The following RYR1 variants were observed in gnomAD, a reference collection of about 807,000 sequenced individuals.
RYR1 encodes the protein central core disease of muscle.
Under a neutral mutation model 583.5 loss-of-function variants are expected in RYR1, and 342 were observed. The observed-to-expected ratio is 0.59, with a 90% CI of 0.54 to 0.64. RYR1 has a LOEUF of 0.64. Among genes scored for constraint, RYR1 ranks in the 30% least tolerant of loss-of-function variants. The pLI is 0.00. For missense variants in RYR1, 6,032 were observed against 6,917.2 expected, an observed-to-expected ratio of 0.87 and a Z score of 4.54; for synonymous variants, 2,791 against 2,822.5, an observed-to-expected ratio of 0.99 and a Z score of 0.35.
At position 38,440,771 on chromosome 19, in the gene RYR1, C is replaced by T. The variant is rs754645461; in HGVS notation, c.72C>T (p.Ser24=). ...ACGATGAGGTGGTCCTGCAGTGCAG[C>T]GCTACCGTGCTCAAGGAGCAGCTCA... The part of the protein sequence containing the change: ...RTDDEVVLQC[S]ATVLKEQLKL... Residue 24 remains serine (S), a synonymous_variant, in exon 2 of 106, where the codon AGC becomes AGT. Transcript: ENST00000359596. 20 of 1,608,364 alleles carry T rather than the reference C, an allele frequency of 1.2e-5. No individual in the cohort carries two copies. Among genetic ancestry groups the T allele is most frequent in the African/African-American group, 6.7e-5 (5 of 74,836 alleles).
chr19:38,460,237 G>A (rs995633220), intron 19 of RYR1, 138 bp from the exon 20 acceptor site: 80 of 776,398 alleles, frequency 1.0e-4, no homozygotes, highest in Non-Finnish European at 1.8e-4. Context: ...TGACCTCCAG[G>A]ACACTATGAC....
Position 38,463,869 on chromosome 19 carries a change from CG to C in RYR1, c.2786+24del. 1 of 1,411,466 alleles carries C rather than the reference CG, an allele frequency of 7.1e-7. No individual in the cohort carries two copies. The highest frequency in any genetic ancestry group is 9.6e-7 in the Non-Finnish European group (1 of 1,038,184). The allele number at this position is 1,411,466 out of a possible 1,614,324, so 87.4% of individuals were successfully genotyped here. A position where few individuals can be genotyped will look rare whatever the true frequency, so the allele number is the denominator to read the frequency against. The stretch of plus-strand genomic sequence containing the variant: ...CGCTCAAGTGAGGGCCCAGGGGAGC[CG>C]GGGGTTGGGGCTGGCTGCTGGTGCG... On this transcript the variant is annotated intron_variant, in intron 22 of 105. Transcript: ENST00000359596.
At chr19:38,461,103 A>C (rs1967713582) in intron 20 of RYR1, among the ~76,000 whole-genome samples, 1 of 152,100 alleles carries the variant, frequency 6.6e-6, no homozygotes, top group African/African-American at 2.4e-5. Flanking sequence ...GCAATGAGCC[A>C]AGATCGTGCC....
chr19:38,527,143 T>C (rs1264264119), intron 72 of RYR1, 91 bp downstream of exon 72: 1 of 1,422,142 alleles, frequency 7.0e-7, no homozygotes, highest in Non-Finnish European at 9.8e-7. Context: ...AGACCAGGCA[T>C]TGAAGAAAGA....
In RYR1 at chr19:38,452,892, G is replaced by A. The variant is rs763251588; in HGVS notation, c.1318G>A (p.Val440Ile). ...PAGTALPIEG[V>I]ILSLQDLIIY... ...TGGCACGGCGCTGCCCATCGAGGGC[G>A]TTATCCTGAGCCTGCAGGACCTCAT... is the stretch of plus-strand genomic sequence containing the variant. Residue 440 changes from valine (V) to isoleucine (I), a missense_variant, in exon 13 of 106, where the codon GTT becomes ATT. Physicochemically the swap from Val to Ile is conservative, Grantham distance 29. This residue lies in a region of RYR1 where 2,627 missense variants were observed against 2,961.3 expected (regional missense o/e 0.89). Coordinates refer to ENST00000359596, the MANE Select transcript of RYR1 (RefSeq NM_000540.3). The A allele has an allele frequency of 2.3e-5, 37 of 1,612,972 alleles. No homozygotes were observed. In the East Asian group the frequency reaches 4.9e-4, roughly 21 times the overall value.
At chr19:38,454,866 C>T (rs1401024569) in intron 13 of RYR1, among the ~76,000 whole-genome samples, 3 of 151,102 alleles carry the variant, frequency 2.0e-5, no homozygotes, top group Non-Finnish European at 4.4e-5. Context: ...TGGGCCTCTC[C>T]AGTTGGTGGG....
intron 31 of RYR1, among the ~76,000 whole-genome samples, chr19:38,480,581 A>G (rs1968958564): frequency 1.3e-5 from 2 of 152,126 alleles, no homozygotes; most frequent in African/African-American, 4.8e-5. Context: ...CATAACCACA[A>G]TACCACTATC....
chr19:38,564,209 T>C (rs752954532), intron 90 of RYR1, among the ~76,000 whole-genome samples: 21 of 152,146 alleles, frequency 1.4e-4, no homozygotes, highest in Non-Finnish European at 2.6e-4. Context: ...ACAGACCCTG[T>C]CTCTGCAAAA....
At position 38,505,921 on chromosome 19, in the gene RYR1, C is replaced by A. The variant is rs781458272; in HGVS notation, c.8516C>A (p.Thr2839Lys). The A allele has an allele frequency of 6.2e-7, 1 of 1,613,408 alleles. No homozygotes were observed. Among genetic ancestry groups the A allele is most frequent in the South Asian group, 1.1e-5 (1 of 91,052 alleles). ...GEEEKTEKKK[T>K]RKISQSAQTY... The stretch of plus-strand genomic sequence containing the variant: ...GAGGAGAAGACGGAAAAGAAAAAAA[C>A]GCGGAAGATATCACAAAGTGCCCAG... Residue 2839 changes from threonine to lysine, a missense_variant, in exon 54 of 106, where the codon ACG (threonine) becomes AAG (lysine). By Grantham distance (78) the Thr-to-Lys change is moderately conservative. Around this residue, in one of 11 missense-constraint regions of RYR1, gnomAD observed 1,493 missense variants for 1,715.5 expected, o/e 0.87. Transcript: ENST00000359596.
rs146407179 is a variant in RYR1, at chr19:38,473,488, C to A, written c.3877C>A (p.Pro1293Thr). 49 of 1,613,716 alleles carry A rather than the reference C, an allele frequency of 3.0e-5. No individual in the cohort carries two copies. The highest frequency in any genetic ancestry group is 4.2e-5 in the Non-Finnish European group (49 of 1,179,920). ...VEMLFLRLSL[P>T]VQFHQHFRCT... The stretch of plus-strand genomic sequence containing the variant: ...GATGCTTTTCCTGCGGCTGAGCCTC[C>A]CAGTCCAGTTCCACCAGCACTTCCG... Residue 1293 changes from proline to threonine, a missense_variant, in exon 28 of 106, where the codon CCA (proline) becomes ACA (threonine). This residue lies in a region of RYR1 where 2,627 missense variants were observed against 2,961.3 expected (regional missense o/e 0.89). Coordinates refer to ENST00000359596, the MANE Select transcript of RYR1 (RefSeq NM_000540.3).
chr19:38,539,053 C>T lies in RYR1; in HGVS notation c.11689+1093C>T, dbSNP rs149214632. On this transcript the variant is annotated intron_variant, in intron 84 of 105. Coordinates refer to ENST00000359596, the MANE Select transcript of RYR1 (RefSeq NM_000540.3). The stretch of plus-strand genomic sequence containing the variant: ...ATTAGTAATCTTACTTCCATAGAAC[C>T]TTCACCCACTTGGTTAGTGCTCTTT... Among the ~76,000 whole-genome samples, 653 of 152,232 alleles carry T rather than the reference C, an allele frequency of 4.3e-3. 5 individuals carry two copies. Among genetic ancestry groups the T allele is most frequent in the African/African-American group, 0.015 (615 of 41,546 alleles).
rs1232214674 is a variant in RYR1 at position 38,565,081 on chromosome 19, G to C, written c.12747G>C (p.Gln4249His). The C allele has an allele frequency of 1.9e-6, 3 of 1,556,758 alleles. No individual in the cohort carries two copies. In the African/African-American group the frequency reaches 4.1e-5, roughly 21 times the overall value. Reference protein sequence around the residue: ...DTIFEMQIAAQISEPEGEPET... With the variant: ...DTIFEMQIAAHISEPEGEPET... The stretch of plus-strand genomic sequence containing the variant: ...TCTTCGAGATGCAGATCGCCGCGCA[G>C]ATCTCGGAGCCCGAGGGCGAGCCGG... The change falls in exon 91 of 106, where the codon CAG becomes CAC. Residue 4249 changes from glutamine to histidine, a missense_variant. Physicochemically the swap from Gln to His is conservative, Grantham distance 24. This residue lies in a region of RYR1 where 753 missense variants were observed against 759.6 expected (regional missense o/e 0.99). Coordinates refer to ENST00000359596, the MANE Select transcript of RYR1 (RefSeq NM_000540.3). The surrounding 1 kb of genome is among the most constrained non-coding windows in gnomAD (Gnocchi z 4.7).
intron 73 of RYR1, 57 bp from the exon 74 acceptor site, chr19:38,528,249 C>T: frequency 6.9e-7 from 1 of 1,445,298 alleles, no homozygotes; most frequent in Non-Finnish European, 9.7e-7. Context: ...TCATCCAGGG[C>T]TGGGAGTGAG....
intron 18 of RYR1, 97 bp from the exon 19 acceptor site, chr19:38,459,049 A>G (rs1354677463): frequency 1.9e-5 from 21 of 1,093,202 alleles, no homozygotes; most frequent in East Asian, 2.4e-5. Flanking sequence ...CCAGGATGCA[A>G]TCTCCACAGG....
Position 38,486,196 on chromosome 19 carries a change from C to T in RYR1, c.5541C>T (p.Thr1847=). Residue 1847 remains threonine (T), a synonymous_variant, in exon 34 of 106, where the codon ACC becomes ACT. Transcript: ENST00000359596. ...QFVPVLKLVS[T]LLVMGIFGDE... ...TGCCTGTGCTCAAGCTCGTGTCCACCCTGCTGGTAATGGCTTCCTCCTGCT... is the reference window on the plus strand; with the variant it reads ...TGCCTGTGCTCAAGCTCGTGTCCACTCTGCTGGTAATGGCTTCCTCCTGCT... The T allele has an allele frequency of 1.2e-6, 2 of 1,612,916 alleles. No homozygotes were observed. Among genetic ancestry groups the T allele is most frequent in the South Asian group, 1.1e-5 (1 of 91,086 alleles).
chr19:38,452,301 TGTG>T (rs1426428486), intron 12 of RYR1, among the ~76,000 whole-genome samples: 2 of 151,460 alleles, frequency 1.3e-5, no homozygotes, highest in Non-Finnish European at 1.5e-5. Context: ...ATTGGCCAGG[TGTG>T]GTGGCACGTG....
intron 36 of RYR1, 100 bp downstream of exon 36, chr19:38,490,376 C>T (rs1008456598): frequency 5.0e-6 from 6 of 1,191,852 alleles, no homozygotes; most frequent in Non-Finnish European, 7.3e-6. Flanking sequence ...TAAACCCGTG[C>T]TTGACCCCTG....
At chr19:38,488,725 G>A (rs1236538093) in intron 34 of RYR1, among the ~76,000 whole-genome samples, 4 of 152,140 alleles carry the variant, frequency 2.6e-5, no homozygotes, top group Admixed American at 6.5e-5. Context: ...GGCTGGTCTC[G>A]AACTCCTGGC....
chr19:38,451,308 G>A (rs924646804), intron 11 of RYR1, among the ~76,000 whole-genome samples: 20 of 152,204 alleles, frequency 1.3e-4, no homozygotes, highest in African/African-American at 4.3e-4. Flanking sequence ...GTCGGCTTGG[G>A]GTGAAGCTGG....
Sources: gnomAD v4.1 joint callset for allele counts (sites outside exome capture counted in the v4.1 genomes callset) on GRCh38, gnomAD v4.1.1 for gene constraint, gnomAD v4.1.1 regional missense constraint, Gnocchi (gnomAD v3.1) non-coding constraint, MANE v1.5 for transcripts, NCBI Gene and HGNC (gene_info 2026-07-23, HGNC 2026-07-21) for gene names.